RPS6KC1: variants seen among roughly 807,000 people sequenced by gnomAD.
RPS6KC1 encodes the protein inactive ribosomal protein S6 kinase delta-1.
A neutral mutation model predicts 103.8 loss-of-function variants in RPS6KC1; 54 were observed. That is an observed-to-expected ratio of 0.52 (90% CI 0.42 to 0.65). The LOEUF (loss-of-function observed/expected upper bound fraction) is 0.65. Ranked by LOEUF, RPS6KC1 falls within the 30% of genes least tolerant of loss-of-function variation. RPS6KC1 has a pLI of 0.00. For synonymous variants in RPS6KC1, 439 were observed against 438.7 expected, an observed-to-expected ratio of 1.00 and a Z score of -0.01; for missense variants, 1,151 against 1,253.8, an observed-to-expected ratio of 0.92 and a Z score of 1.24.
chr1:213,232,283 C>T (rs376249250), intron 10 of RPS6KC1, 28 bp downstream of exon 10: 2 of 1,613,164 alleles, frequency 1.2e-6, no homozygotes, highest in Non-Finnish European at 1.7e-6. Context: ...ATTGTTTATG[C>T]AGTGAAGAAT....
At chr1:213,720,052 C>T in the RPS6KC1 span, among the ~76,000 whole-genome samples, 16 of 152,188 alleles carry the variant, frequency 1.1e-4, no homozygotes, top group Admixed American at 9.2e-4. Context: ...GAGGATTTGA[C>T]GTTCAATAGA....
the RPS6KC1 span, among the ~76,000 whole-genome samples, chr1:213,630,161 T>A: frequency 6.6e-6 from 1 of 152,250 alleles, no homozygotes; most frequent in Non-Finnish European, 1.5e-5. Flanking sequence ...TTCTCGTGGA[T>A]AATATCCTGC....
At chr1:213,266,902 T>TCAAA (rs66700615) in intron 14 of RPS6KC1, among the ~76,000 whole-genome samples, 3 of 147,832 alleles carry the variant, frequency 2.0e-5, no homozygotes, top group African/African-American at 7.5e-5. Context: ...AGGCTCCGTC[T>TCAAA]CAAACAAACA....
the RPS6KC1 span, among the ~76,000 whole-genome samples, chr1:213,767,591 C>T: frequency 7.2e-5 from 11 of 152,208 alleles, no homozygotes; most frequent in Middle Eastern, 3.4e-3. Flanking sequence ...CTAGGCCCTG[C>T]GGGTACAGAG....
chr1:213,583,124 G>C, the RPS6KC1 span, among the ~76,000 whole-genome samples: 1 of 152,162 alleles, frequency 6.6e-6, no homozygotes, highest in Non-Finnish European at 1.5e-5. Context: ...GTAGTATTCC[G>C]ATGCGTGGAC....
the RPS6KC1 span, among the ~76,000 whole-genome samples, chr1:213,699,721 A>G: frequency 2.6e-5 from 4 of 151,942 alleles, no homozygotes; most frequent in East Asian, 1.9e-4. Context: ...TATTGTCTCT[A>G]TTTTGATTAT....
the RPS6KC1 span, among the ~76,000 whole-genome samples, chr1:213,315,775 G>C: frequency 6.6e-6 from 1 of 152,112 alleles, no homozygotes; most frequent in African/African-American, 2.4e-5. Flanking sequence ...TTTCTTATCT[G>C]TAAAATGGGA....
At chr1:213,160,777 C>G (rs1241537538) in intron 6 of RPS6KC1, among the ~76,000 whole-genome samples, 1 of 150,740 alleles carries the variant, frequency 6.6e-6, no homozygotes, top group Non-Finnish European at 1.5e-5. Context: ...CATATTCTCA[C>G]TCATAGGTGA....
At chr1:213,844,707 A>G in the RPS6KC1 span, among the ~76,000 whole-genome samples, 1 of 152,210 alleles carries the variant, frequency 6.6e-6, no homozygotes, top group Non-Finnish European at 1.5e-5. Context: ...TGCATTTATA[A>G]GGTATCAAAT....
At chr1:213,134,048 T>G (rs2085973995) in intron 6 of RPS6KC1, among the ~76,000 whole-genome samples, 1 of 152,120 alleles carries the variant, frequency 6.6e-6, no homozygotes. Flanking sequence ...ATTTCTTGTA[T>G]GTAGCAGGCC....
the RPS6KC1 span, among the ~76,000 whole-genome samples, chr1:213,728,199 A>C: frequency 6.6e-6 from 1 of 151,940 alleles, no homozygotes; most frequent in African/African-American, 2.4e-5. Context: ...ACCCGCGGTG[A>C]AGAAGCCTTT....
intron 3 of RPS6KC1, among the ~76,000 whole-genome samples, chr1:213,080,171 G>A (rs1424481030): frequency 6.6e-6 from 1 of 151,974 alleles, no homozygotes; most frequent in Non-Finnish European, 1.5e-5. Context: ...GGCCTCCTTG[G>A]CCTCCCAAAG....
intron 4 of RPS6KC1, among the ~76,000 whole-genome samples, chr1:213,112,110 T>C (rs1343877496): frequency 2.0e-5 from 3 of 152,278 alleles, no homozygotes; most frequent in East Asian, 1.9e-4. Context: ...AAGATAGTAA[T>C]TGAGTTTTTT....
the RPS6KC1 span, among the ~76,000 whole-genome samples, chr1:213,281,312 A>G: frequency 6.6e-6 from 1 of 152,350 alleles, no homozygotes; most frequent in East Asian, 1.9e-4. Flanking sequence ...GAAAGGGGAC[A>G]CTGGATAGAA....
the RPS6KC1 span, among the ~76,000 whole-genome samples, chr1:213,704,342 T>C: frequency 1.5e-5 from 2 of 131,780 alleles, no homozygotes; most frequent in South Asian, 2.5e-4. Flanking sequence ...GAGCCGAGAT[T>C]GCGCCACTGC....
the RPS6KC1 span, among the ~76,000 whole-genome samples, chr1:213,739,152 C>T: frequency 1.3e-5 from 2 of 152,028 alleles, no homozygotes; most frequent in Non-Finnish European, 2.9e-5. Context: ...TCCTCCTTAG[C>T]CTACTCAGTG....
At chr1:213,169,792 T>G (rs906740087) in intron 7 of RPS6KC1, among the ~76,000 whole-genome samples, 1 of 149,078 alleles carries the variant, frequency 6.7e-6, no homozygotes, top group African/African-American at 2.5e-5. Context: ...TTTTTTTTTT[T>G]TTTTTTTGAG....
the RPS6KC1 span, among the ~76,000 whole-genome samples, chr1:213,638,367 A>G: frequency 2.6e-5 from 4 of 151,850 alleles, no homozygotes; most frequent in Non-Finnish European, 5.9e-5. Context: ...ATTTTGATAA[A>G]CTCTAATCTT....
At chr1:213,220,269 A>G (rs2093797053) in intron 8 of RPS6KC1, among the ~76,000 whole-genome samples, 1 of 152,190 alleles carries the variant, frequency 6.6e-6, no homozygotes, top group South Asian at 2.1e-4. Context: ...CTGTGGAAGC[A>G]TTGTAGAATC....
Sources: gnomAD v4.1 joint callset for allele counts (sites outside exome capture counted in the v4.1 genomes callset) on GRCh38, gnomAD v4.1.1 for gene constraint, MANE v1.5 for transcripts, NCBI Gene and HGNC (gene_info 2026-07-23, HGNC 2026-07-21) for gene names.